The following FHL5 variants were observed in gnomAD, a reference collection of about 807,000 sequenced individuals.
The protein encoded by FHL5 is four and a half LIM domains protein 5.
In FHL5, 33 loss-of-function variants were observed where a neutral mutation model predicts 32.0. The ratio of observed to expected loss-of-function variants is 1.03; its 90% CI spans 0.78 to 1.38. The LOEUF is 1.38. Among genes scored for constraint, FHL5 ranks in the 40% most tolerant of loss-of-function variants. FHL5 has a pLI of 0.00. For synonymous variants in FHL5, 114 were observed against 113.6 expected, an observed-to-expected ratio of 1.00 and a Z score of -0.02; for missense variants, 336 against 343.9, an observed-to-expected ratio of 0.98 and a Z score of 0.18.
intron 1 of FHL5, among the ~76,000 whole-genome samples, chr6:96,576,497 C>G (rs1770587163): frequency 6.6e-6 from 1 of 152,212 alleles, no homozygotes; most frequent in Non-Finnish European, 1.5e-5. Context: ...CTCTCCCAGG[C>G]TACCACGTAA....
chr6:96,580,066 C>T (rs12208124), intron 1 of FHL5, among the ~76,000 whole-genome samples: 23,940 of 152,094 alleles, frequency 0.16, 2,072 homozygotes, highest in Middle Eastern at 0.26. Flanking sequence ...GAAAAGAAAC[C>T]GAATATATCT....
chr6:96,578,560 C>A (rs1770632610), intron 1 of FHL5, among the ~76,000 whole-genome samples: 1 of 152,016 alleles, frequency 6.6e-6, no homozygotes, highest in Non-Finnish European at 1.5e-5. Flanking sequence ...ATTGATTTGG[C>A]ACCACGCACA....
intron 1 of FHL5, among the ~76,000 whole-genome samples, chr6:96,599,740 A>G (rs1771111428): frequency 1.3e-5 from 2 of 152,344 alleles, no homozygotes; most frequent in South Asian, 2.1e-4. Context: ...GTTTGACAAG[A>G]ATGTCTAAGT....
At chr6:96,612,485 C>T (rs1771431475) in intron 5 of FHL5, among the ~76,000 whole-genome samples, 1 of 152,152 alleles carries the variant, frequency 6.6e-6, no homozygotes, top group African/African-American at 2.4e-5. Context: ...AAGCCCTGAA[C>T]TTGAGTTTCA....
At chr6:96,592,771 C>T (rs891858945) in intron 1 of FHL5, among the ~76,000 whole-genome samples, 1 of 152,160 alleles carries the variant, frequency 6.6e-6, no homozygotes, top group African/African-American at 2.4e-5. Context: ...TTCAGCCAGT[C>T]CCTCCGTTCA....
In FHL5 at chr6:96,615,810, C is replaced by T. The variant is rs765041771; in HGVS notation, c.*38C>T. On this transcript the variant is annotated 3_prime_UTR_variant, in exon 6 of 6. Coordinates refer to ENST00000450218, the MANE Select transcript of FHL5 (RefSeq NM_001322466.2). ...GCCCACCTAAAATCCATTTTGCCTT[C>T]GTTGTCACTAAAGCCAGAACTCAGT... 5.3e-6 allele frequency: 8 copies of T among 1,504,904 alleles called. No individual in the cohort carries two copies. Among genetic ancestry groups the T allele is most frequent in the East Asian group, 2.4e-5 (1 of 42,060 alleles). 93.2% of individuals were successfully genotyped at this position (1,504,904 alleles called of 1,614,324 possible).
chr6:96,591,406 T>C (rs1267190149), intron 1 of FHL5, among the ~76,000 whole-genome samples: 1 of 152,220 alleles, frequency 6.6e-6, no homozygotes, highest in East Asian at 1.9e-4. Context: ...TTTACGGTTT[T>C]CATTTTTTCC....
At chr6:96,597,933 TG>T (rs1162714985) in intron 1 of FHL5, among the ~76,000 whole-genome samples, 1 of 152,088 alleles carries the variant, frequency 6.6e-6, no homozygotes, top group Non-Finnish European at 1.5e-5. Context: ...ATCCATCAAA[TG>T]AGCATAATAA....
chr6:96,594,166 G>A (rs775190617), intron 1 of FHL5, among the ~76,000 whole-genome samples: 7 of 142,800 alleles, frequency 4.9e-5, no homozygotes, highest in Non-Finnish European at 1.1e-4. Flanking sequence ...ATGAGTGAAT[G>A]TATAAATGAT....
intron 5 of FHL5, among the ~76,000 whole-genome samples, chr6:96,612,446 G>C (rs894127061): frequency 6.6e-6 from 1 of 152,132 alleles, no homozygotes; most frequent in Non-Finnish European, 1.5e-5. Flanking sequence ...GATCCAGATG[G>C]CTAATACTGA....
chr6:96,591,269 T>A (rs1297035349), intron 1 of FHL5, among the ~76,000 whole-genome samples: 2 of 152,304 alleles, frequency 1.3e-5, no homozygotes, highest in East Asian at 3.9e-4. Flanking sequence ...GTCATAATTT[T>A]TTATTTCTTC....
chr6:96,583,620 A>G (rs1398839596), intron 1 of FHL5, among the ~76,000 whole-genome samples: 1 of 152,150 alleles, frequency 6.6e-6, no homozygotes, highest in Non-Finnish European at 1.5e-5. Flanking sequence ...CCCGAAGTTT[A>G]GAGAAAAGCC....
intron 1 of FHL5, among the ~76,000 whole-genome samples, chr6:96,577,851 C>T (rs983605757): frequency 1.1e-4 from 17 of 151,486 alleles, no homozygotes; most frequent in East Asian, 1.9e-4. Flanking sequence ...CCAACTTCTA[C>T]GTGGAAAACA....
intron 1 of FHL5, among the ~76,000 whole-genome samples, chr6:96,572,992 T>G (rs565820270): frequency 1.3e-5 from 2 of 152,210 alleles, no homozygotes. Flanking sequence ...TAGTTGGCTA[T>G]CTTGCTGCTA....
At chr6:96,611,940 G>A (rs1771418496) in intron 5 of FHL5, among the ~76,000 whole-genome samples, 2 of 152,168 alleles carry the variant, frequency 1.3e-5, no homozygotes, top group South Asian at 4.1e-4. Flanking sequence ...AATAACTAAT[G>A]TAAAATCCAT....
At chr6:96,575,296 T>A (rs994666656) in intron 1 of FHL5, among the ~76,000 whole-genome samples, 3 of 152,252 alleles carry the variant, frequency 2.0e-5, no homozygotes, top group Non-Finnish European at 4.4e-5. Context: ...TAATCATGTA[T>A]ATCTCCTTTC....
intron 1 of FHL5, among the ~76,000 whole-genome samples, chr6:96,596,795 G>A (rs537363267): frequency 1.3e-5 from 2 of 152,026 alleles, no homozygotes; most frequent in African/African-American, 4.8e-5. Flanking sequence ...TGGCTATCTA[G>A]TTTAGTTCCT....
chr6:96,566,310 G>A (rs1036288826), intron 1 of FHL5, among the ~76,000 whole-genome samples: 1 of 151,938 alleles, frequency 6.6e-6, no homozygotes, highest in African/African-American at 2.4e-5. Context: ...GCTCATTCAT[G>A]TTGCCGTGAA....
chr6:96,577,620 C>T (rs12527021), intron 1 of FHL5, among the ~76,000 whole-genome samples: 23,789 of 152,164 alleles, frequency 0.16, 2,049 homozygotes, highest in Middle Eastern at 0.26. Flanking sequence ...TTTGTACTTC[C>T]TTTTGAAGAT....
Sources: allele counts gnomAD v4.1 joint callset (sites outside exome capture counted in the v4.1 genomes callset), GRCh38; gene constraint gnomAD v4.1.1; transcripts MANE v1.5; gene names NCBI Gene and HGNC (gene_info 2026-07-23, HGNC 2026-07-21).